PLEKHN1: variants seen among roughly 807,000 people sequenced by gnomAD.
The protein encoded by PLEKHN1 is pleckstrin homology domain-containing family N member 1.
Under a neutral mutation model 72.8 loss-of-function variants are expected in PLEKHN1, and 68 were observed. The ratio of observed to expected loss-of-function variants is 0.93; its 90% CI spans 0.77 to 1.14. PLEKHN1 has a LOEUF of 1.14. Among genes scored for constraint, PLEKHN1 ranks in the 50% most tolerant of loss-of-function variants. The pLI, the probability that PLEKHN1 is intolerant of heterozygous loss-of-function variation, is 0.00. For synonymous variants in PLEKHN1, 454 were observed against 371.6 expected (o/e 1.22, Z -2.55); for missense variants, 1,015 against 840.5 (o/e 1.21, Z -2.57).
chr1:972,896 C>A lies in PLEKHN1; in HGVS notation c.1038C>A (p.Gly346=), dbSNP rs759304010. 1.3e-6 allele frequency: 2 copies of A among 1,558,798 alleles called. No homozygotes were observed. The highest frequency in any genetic ancestry group is 2.4e-5 in the South Asian group (2 of 84,936). ...MGSGRGSLSS[G]GQTSWDSGCL... is the part of the protein sequence containing the mutation. Reference sequence around the variant, plus strand: ...GTGGCCGAGGCTCACTCTCCTCAGGCGGACAGACCAGCTGGGACTCGGGGT... The same window carrying A: ...GTGGCCGAGGCTCACTCTCCTCAGGAGGACAGACCAGCTGGGACTCGGGGT... The change falls in exon 11 of 16, where the codon GGC becomes GGA. Residue 346 remains glycine (G), a synonymous_variant. Coordinates refer to ENST00000379410, the MANE Select transcript of PLEKHN1 (RefSeq NM_032129.3).
chr1:967,724 C>G (rs6696281), intron 2 of PLEKHN1, among the ~76,000 whole-genome samples: 1 of 152,052 alleles, frequency 6.6e-6, no homozygotes. Flanking sequence ...GTACTGGTTT[C>G]GGAAACCACG....
Position 974,766 on chromosome 1 carries a change from G to T in PLEKHN1, c.*191G>T. 32 of 649,382 alleles carry T rather than the reference G, an allele frequency of 4.9e-5. No individual in the cohort carries two copies. The highest frequency in any genetic ancestry group is 6.3e-5 in the Admixed American group (2 of 31,754). The allele number at this position is 649,382 out of a possible 1,614,324, so 40.2% of individuals were successfully genotyped here. On this transcript the variant is annotated 3_prime_UTR_variant, in exon 16 of 16. Transcript: ENST00000379410. Reference sequence around the variant, plus strand: ...CAGCAGCTGGGGCAGGGAAGGGTGGGAGGGGCCCCATCCAAAGGATGCCCT... The same window carrying T: ...CAGCAGCTGGGGCAGGGAAGGGTGGTAGGGGCCCCATCCAAAGGATGCCCT...
rs756888067 is a variant in PLEKHN1, at chr1:974,356, C to T, written c.1694C>T (p.Pro565Leu). The change falls in exon 15 of 16, where the codon CCT becomes CTT. Residue 565 changes from proline to leucine, a missense_variant. By Grantham distance (98) the Pro-to-Leu change is moderately conservative. Coordinates refer to ENST00000379410, the MANE Select transcript of PLEKHN1 (RefSeq NM_032129.3). ...GAAGGTTCGCCCGAACCCTGGCTGCCTCTGACAGGTGAGTAAGGATCCTGC... is the reference window on the plus strand; with the variant it reads ...GAAGGTTCGCCCGAACCCTGGCTGCTTCTGACAGGTGAGTAAGGATCCTGC... Reference protein sequence around the residue: ...AREGSPEPWLPLTDGRSPRRS... With the variant: ...AREGSPEPWLLLTDGRSPRRS... The T allele has an allele frequency of 1.9e-6, 3 of 1,612,916 alleles. No individual in the cohort carries two copies. Among genetic ancestry groups the T allele is most frequent in the African/African-American group, 1.3e-5 (1 of 74,932 alleles).
chr1:968,627 A>G (rs1046476332), intron 2 of PLEKHN1, among the ~76,000 whole-genome samples: 5 of 152,256 alleles, frequency 3.3e-5, no homozygotes, highest in African/African-American at 1.2e-4. Flanking sequence ...GGACAAATCA[A>G]TAGATCCAGT....
At position 974,492 on chromosome 1, in the gene PLEKHN1, G is replaced by C. The variant is rs1318904961; in HGVS notation, c.1753G>C (p.Asp585His). The change falls in exon 16 of 16, where the codon GAC (aspartate) becomes CAC (histidine). Residue 585 changes from aspartate (D) to histidine (H), a missense_variant. Asp to His is a moderately conservative substitution (Grantham distance 81). Coordinates refer to ENST00000379410, the MANE Select transcript of PLEKHN1 (RefSeq NM_032129.3). ...SRDPGYDHLW[D>H]ETLSSSHQKC... Reference sequence around the variant, plus strand: ...GGACCCCGGCTACGACCACCTCTGGGACGAGACTTTGTCTTCCTCCCACCA... The same window carrying C: ...GGACCCCGGCTACGACCACCTCTGGCACGAGACTTTGTCTTCCTCCCACCA... The C allele has an allele frequency of 6.2e-7, 1 of 1,612,766 alleles. No individual in the cohort carries two copies. Among genetic ancestry groups the C allele is most frequent in the South Asian group, 1.1e-5 (1 of 91,084 alleles).
Position 974,710 on chromosome 1 carries a change from A to G in PLEKHN1, c.*135A>G. The G allele has an allele frequency of 2.6e-6, 3 of 1,136,402 alleles. No homozygotes were observed. Among genetic ancestry groups the G allele is most frequent in the Non-Finnish European group, 3.6e-6 (3 of 828,924 alleles). 70.4% of individuals were successfully genotyped at this position (1,136,402 alleles called of 1,614,324 possible). Reference sequence around the variant, plus strand: ...GGAGTCTCTGGGGCCCTGAGTTCAGAGCCCGTCCCTCAGCTCCTGTTCCTT... The same window carrying G: ...GGAGTCTCTGGGGCCCTGAGTTCAGGGCCCGTCCCTCAGCTCCTGTTCCTT... On this transcript the variant is annotated 3_prime_UTR_variant, in exon 16 of 16. Coordinates refer to ENST00000379410, the MANE Select transcript of PLEKHN1 (RefSeq NM_032129.3).
chr1:970,530 G>A lies in PLEKHN1; in HGVS notation c.340G>A (p.Asp114Asn), dbSNP rs149041637. The A allele has an allele frequency of 2.0e-5, 33 of 1,612,992 alleles. No homozygotes were observed. The highest frequency in any genetic ancestry group is 1.6e-4 in the African/African-American group (12 of 74,908). The change falls in exon 4 of 16, where the codon GAC becomes AAC. Residue 114 changes from aspartate (D) to asparagine (N), a missense_variant. Coordinates refer to ENST00000379410, the MANE Select transcript of PLEKHN1 (RefSeq NM_032129.3). This position sits in a 1 kb window ranked among gnomAD's most constrained non-coding sequence, Gnocchi z 4.2. ...CCTGCTCCCCGCGCAGGATGTCAGC[G>A]ACTGCTACCTGGAGCTATTCCCCGC... ...LRFQHSQDVS[D>N]CYLELFPAHL... is the part of the protein sequence containing the mutation.
chr1:970,643 C>T lies in PLEKHN1; in HGVS notation c.411+42C>T, dbSNP rs376285478. 1.2e-6 allele frequency: 2 copies of T among 1,603,848 alleles called. No homozygotes were observed. The highest frequency in any genetic ancestry group is 1.1e-5 in the South Asian group (1 of 89,756). The stretch of plus-strand genomic sequence containing the variant: ...TGGGGTGGGGCCATGGCCGCCCTTC[C>T]CTCCATGGATCCCTGAAGCTCCTCC... On this transcript the variant is annotated intron_variant, in intron 4 of 15. Transcript: ENST00000379410. The surrounding 1 kb of genome is among the most constrained non-coding windows in gnomAD (Gnocchi z 4.2).
In PLEKHN1 at chr1:974,550, G is replaced by C; in HGVS notation, c.1811G>C (p.Ser604Thr). 1 of 1,612,252 alleles carries C rather than the reference G, an allele frequency of 6.2e-7. No individual in the cohort carries two copies. Among genetic ancestry groups the C allele is most frequent in the Non-Finnish European group, 8.5e-7 (1 of 1,179,778 alleles). ...KCPQLGGPEA[S>T]GGLVQWI Reference sequence around the variant, plus strand: ...CCCCAGCTTGGAGGGCCTGAGGCCAGTGGGGGGCTTGTGCAGTGGATCTGA... The same window carrying C: ...CCCCAGCTTGGAGGGCCTGAGGCCACTGGGGGGCTTGTGCAGTGGATCTGA... Residue 604 changes from serine (S) to threonine (T), a missense_variant, in exon 16 of 16, where the codon AGT becomes ACT. Transcript: ENST00000379410.
chr1:972,048 G>T (rs1643357636), intron 8 of PLEKHN1, 27 bp from the exon 9 acceptor site: 1 of 1,608,088 alleles, frequency 6.2e-7, no homozygotes, highest in Non-Finnish European at 8.5e-7. Context: ...CCCTACAAAG[G>T]CCTGGCCCTC....
rs1374570315 is a variant in PLEKHN1, at chr1:966,508, T to C, written c.-24T>C. 6.3e-7 allele frequency: 1 copy of C among 1,582,580 alleles called. No individual in the cohort carries two copies. Among genetic ancestry groups the C allele is most frequent in the Non-Finnish European group, 8.6e-7 (1 of 1,157,476 alleles). On this transcript the variant is annotated 5_prime_UTR_variant, in exon 1 of 16. Coordinates refer to ENST00000379410, the MANE Select transcript of PLEKHN1 (RefSeq NM_032129.3). ...GGAGGCTGTGGACAGGGACCCAGAC[T>C]TGCCGACCTGTACGACTCTGGCCAT...
rs1180042128 is a variant in PLEKHN1 at position 969,512 on chromosome 1, G to T, written c.184-765G>T. Among the ~76,000 whole-genome samples the T allele has an allele frequency of 2.0e-5, 3 of 152,146 alleles. No individual in the cohort carries two copies. In the East Asian group the frequency reaches 5.8e-4, roughly 29 times the overall value. On this transcript the variant is annotated intron_variant, in intron 2 of 15. Coordinates refer to ENST00000379410, the MANE Select transcript of PLEKHN1 (RefSeq NM_032129.3). ...CATGTGTGTGCATGTGTGTATAGGT[G>T]TGCATGTGTATGTGTGCACGTGTGT...
At chr1:974,420 A>G (rs1353360887) in intron 15 of PLEKHN1, 22 bp from the exon 16 acceptor site, 4 of 1,612,744 alleles carry the variant, frequency 2.5e-6, no homozygotes, top group Non-Finnish European at 3.4e-6. Flanking sequence ...ACAGGCTGAC[A>G]CATCTCTGCC....
chr1:971,474 C>T (rs1643325354), intron 8 of PLEKHN1, 70 bp downstream of exon 8: 25 of 1,361,074 alleles, frequency 1.8e-5, no homozygotes, highest in South Asian at 2.5e-5. Context: ...GGCAGCCATG[C>T]AGGAGGAACC....
At position 973,169 on chromosome 1, in the gene PLEKHN1, G is replaced by A. The variant is rs1487710023; in HGVS notation, c.1153-17G>A. 6.6e-7 allele frequency: 1 copy of A among 1,506,006 alleles called. No homozygotes were observed. Among genetic ancestry groups the A allele is most frequent in the Non-Finnish European group, 8.9e-7 (1 of 1,118,102 alleles). The allele number at this position is 1,506,006 out of a possible 1,614,324, so 93.3% of individuals were successfully genotyped here. ...GGGGCCAAAGGGCTCTTCCTGGAAGGTTTGTGGTCCCCACAGGACCAGGCC... is the reference window on the plus strand; with the variant it reads ...GGGGCCAAAGGGCTCTTCCTGGAAGATTTGTGGTCCCCACAGGACCAGGCC... On this transcript the variant is annotated splice_polypyrimidine_tract_variant and intron_variant, in intron 11 of 15. Coordinates refer to ENST00000379410, the MANE Select transcript of PLEKHN1 (RefSeq NM_032129.3).
intron 2 of PLEKHN1, among the ~76,000 whole-genome samples, chr1:969,702 ATG>A (rs1553164870): frequency 2.0e-5 from 3 of 151,166 alleles, no homozygotes; most frequent in South Asian, 2.1e-4. Context: ...ATAAGTGCGT[ATG>A]TGTGTTCCCG....
In PLEKHN1 at chr1:970,869, C is replaced by G; in HGVS notation, c.485-10C>G. ...TGTGTATGTGTGTGCCCTCTCTGCC[C>G]TGCCCGCAGGCCCACTGCCCGCACC... On this transcript the variant is annotated splice_polypyrimidine_tract_variant and intron_variant, in intron 5 of 15. Transcript: ENST00000379410. This position sits in a 1 kb window ranked among gnomAD's most constrained non-coding sequence, Gnocchi z 4.2. The G allele has an allele frequency of 6.2e-7, 1 of 1,611,800 alleles. No individual in the cohort carries two copies. The highest frequency in any genetic ancestry group is 2.2e-5 in the East Asian group (1 of 44,880).
intron 10 of PLEKHN1, 53 bp from the exon 11 acceptor site, chr1:972,808 G>A (rs1424625319): frequency 6.7e-7 from 1 of 1,487,554 alleles, no homozygotes; most frequent in African/African-American, 1.4e-5. Context: ...CCAGGCAGGG[G>A]CGGGTGGGGA....
In PLEKHN1 at chr1:973,622, T is replaced by A; in HGVS notation, c.1416T>A (p.Asp472Glu). The A allele has an allele frequency of 6.2e-7, 1 of 1,612,956 alleles. No individual in the cohort carries two copies. The highest frequency in any genetic ancestry group is 8.5e-7 in the Non-Finnish European group (1 of 1,179,942). The change falls in exon 13 of 16, where the codon GAT becomes GAA. Residue 472 changes from aspartate (D) to glutamate (E), a missense_variant. Transcript: ENST00000379410. ...PPATSHRRVT[D>E]VRGLEEFLSA... ...CCACCTCCCACCGCAGGGTCACAGA[T>A]GTCCGGGGCCTGGAGGAGGTCAGGC...
Sources: gnomAD v4.1 joint callset for allele counts (sites outside exome capture counted in the v4.1 genomes callset) on GRCh38, gnomAD v4.1.1 for gene constraint, Gnocchi (gnomAD v3.1) non-coding constraint, MANE v1.5 for transcripts, NCBI Gene and HGNC (gene_info 2026-07-23, HGNC 2026-07-21) for gene names.